Variants in IRAG2 observed in about 807,000 individuals in gnomAD.
IRAG2 encodes lymphoid restricted membrane protein.
In IRAG2, 45 loss-of-function variants were observed where a neutral mutation model predicts 69.9. The observed-to-expected ratio is 0.64, with a 90% CI of 0.51 to 0.83. IRAG2 has a LOEUF of 0.83. IRAG2 is among the 40% of genes least tolerant of loss of function. The pLI is 0.00. For missense variants in IRAG2, 520 were observed against 587.0 expected, an observed-to-expected ratio of 0.89 and a Z score of 1.18; for synonymous variants, 193 against 202.4, an observed-to-expected ratio of 0.95 and a Z score of 0.40.
chr12:25,102,110 T>G lies in IRAG2; in HGVS notation c.890-88T>G, dbSNP rs1358736410. ...CTAAAGTCTTAATATCTTCTGAATT[T>G]TGCTTTACCTTTAAAGAATTAAGAC... On this transcript the variant is annotated intron_variant, in intron 16 of 21. Transcript: ENST00000556887. 3.2e-6 allele frequency: 3 copies of G among 933,564 alleles called. No individual in the cohort carries two copies. The East Asian group carries it at 7.5e-5, about 23-fold the overall frequency. The allele number at this position is 933,564 out of a possible 1,614,324, so 57.8% of individuals were successfully genotyped here. A position where few individuals can be genotyped will look rare whatever the true frequency, so the allele number is the denominator to read the frequency against.
chr12:25,087,395 TG>T (rs1947700362), intron 10 of IRAG2, among the ~76,000 whole-genome samples: 1 of 152,042 alleles, frequency 6.6e-6, no homozygotes, highest in African/African-American at 2.4e-5. Flanking sequence ...CTTGAACTCC[TG>T]ACCTCAGGTG....
intron 12 of IRAG2, among the ~76,000 whole-genome samples, chr12:25,032,958 CTTTT>C (rs11349391): frequency 4.2e-4 from 57 of 136,488 alleles, no homozygotes; most frequent in Admixed American, 7.9e-4. Flanking sequence ...CTCTTTCTTT[CTTTT>C]TTTTTTTTTT....
chr12:25,100,405 GA>G (rs755215181), intron 15 of IRAG2, among the ~76,000 whole-genome samples: 7 of 152,122 alleles, frequency 4.6e-5, no homozygotes, highest in Non-Finnish European at 7.4e-5. Flanking sequence ...ATACCCAGAA[GA>G]ATTGAAAACA....
intron 16 of IRAG2, among the ~76,000 whole-genome samples, chr12:25,045,531 A>G (rs1392779294): frequency 1.3e-5 from 2 of 152,082 alleles, no homozygotes; most frequent in East Asian, 3.8e-4. Context: ...ATCAGAAATG[A>G]AGGAGATATT....
At chr12:25,020,508 A>G (rs558507861) in intron 6 of IRAG2, among the ~76,000 whole-genome samples, 8 of 152,328 alleles carry the variant, frequency 5.3e-5, no homozygotes, top group African/African-American at 1.9e-4. Flanking sequence ...GAACCAGGTA[A>G]TTCAGCCAGT....
upstream of IRAG2, among the ~76,000 whole-genome samples, chr12:25,048,729 G>C (rs185732501): frequency 6.6e-6 from 1 of 152,172 alleles, no homozygotes; most frequent in Non-Finnish European, 1.5e-5. Context: ...TGACTCTGAT[G>C]ATAGTTTATT....
chr12:25,102,408 G>C (rs546119045), intron 17 of IRAG2, 167 bp downstream of exon 17: 1 of 603,386 alleles, frequency 1.7e-6, no homozygotes, highest in South Asian at 2.1e-5. Context: ...CTATATTTTT[G>C]TATCAATTAA....
chr12:25,037,610 T>C (rs1320858620), intron 15 of IRAG2, among the ~76,000 whole-genome samples: 1 of 152,208 alleles, frequency 6.6e-6, no homozygotes, highest in Non-Finnish European at 1.5e-5. Flanking sequence ...CATGTGAATA[T>C]GATAATCTGT....
intron 14 of IRAG2, among the ~76,000 whole-genome samples, chr12:25,094,896 C>CAA (rs1948320497): frequency 6.6e-6 from 1 of 152,060 alleles, no homozygotes; most frequent in Non-Finnish European, 1.5e-5. Flanking sequence ...TGTAGAAAGA[C>CAA]AACTAATTTT....
upstream of IRAG2, among the ~76,000 whole-genome samples, chr12:25,003,560 C>A (rs12300470): frequency 7.5e-4 from 114 of 152,030 alleles, no homozygotes; most frequent in African/African-American, 2.7e-3. Flanking sequence ...AATGTATTTC[C>A]AAATTTCTGA....
chr12:25,021,637 A>G (rs770369952), intron 7 of IRAG2, among the ~76,000 whole-genome samples: 5 of 152,250 alleles, frequency 3.3e-5, no homozygotes, highest in Non-Finnish European at 5.9e-5. Flanking sequence ...AAGAATTAGT[A>G]ATAGTCTTCA....
chr12:25,075,558 ATGTGTG>A (rs61020379), intron 6 of IRAG2, among the ~76,000 whole-genome samples: 1 of 106,476 alleles, frequency 9.4e-6, no homozygotes, highest in African/African-American at 3.3e-5. Context: ...GTGTGTGTGT[ATGTGTG>A]TCTCCTGTGT....
chr12:25,045,405 G>C (rs756722666), intron 16 of IRAG2, among the ~76,000 whole-genome samples: 6 of 151,918 alleles, frequency 3.9e-5, no homozygotes, highest in Non-Finnish European at 7.4e-5. Flanking sequence ...AAAAATTAGA[G>C]CAAAAAGTTG....
chr12:25,077,328 G>C (rs868813400), intron 6 of IRAG2, among the ~76,000 whole-genome samples: 445 of 11,082 alleles, frequency 0.04, 102 homozygotes, highest in Non-Finnish European at 0.047. Flanking sequence ...ATATATATAT[G>C]ATATATATAT....
At chr12:25,103,635 C>A in intron 17 of IRAG2, 1 of 518,982 alleles carries the variant, frequency 1.9e-6, no homozygotes. Context: ...TATAATAATC[C>A]AACATTGAGT....
At chr12:25,010,362 A>G (rs1030878575) in intron 2 of IRAG2, among the ~76,000 whole-genome samples, 1 of 152,164 alleles carries the variant, frequency 6.6e-6, no homozygotes, top group Non-Finnish European at 1.5e-5. Flanking sequence ...CTGTAGTCCC[A>G]GCTACTAGGG....
intron 6 of IRAG2, among the ~76,000 whole-genome samples, chr12:25,071,792 ATT>A (rs5797117): frequency 2.5e-4 from 36 of 144,230 alleles, no homozygotes; most frequent in Non-Finnish European, 2.0e-4. Flanking sequence ...CCTTGAAAGT[ATT>A]TTTTTTTTTT....
intron 7 of IRAG2, among the ~76,000 whole-genome samples, chr12:25,023,019 G>A (rs139742259): frequency 0.011 from 1,655 of 151,984 alleles, 32 homozygotes; most frequent in African/African-American, 0.037. Flanking sequence ...CTGGCTACTC[G>A]GGAGGCTGAG....
intron 1 of IRAG2, among the ~76,000 whole-genome samples, chr12:25,053,626 T>A (rs115008787): frequency 6.6e-6 from 1 of 152,120 alleles, no homozygotes; most frequent in Non-Finnish European, 1.5e-5. Context: ...ATTGTTTCAT[T>A]CTAGAAACCT....
Sources: gnomAD v4.1 joint callset for allele counts (sites outside exome capture counted in the v4.1 genomes callset) on GRCh38, gnomAD v4.1.1 for gene constraint, MANE v1.5 for transcripts, NCBI Gene and HGNC (gene_info 2026-07-23, HGNC 2026-07-21) for gene names.